The following DAB1 variants were observed in gnomAD, a reference collection of about 807,000 sequenced individuals.
DAB1 encodes the protein DAB adaptor protein 1.
DAB1 carries 15 observed loss-of-function variants against 64.6 expected under a neutral mutation model. That is an observed-to-expected ratio of 0.23 (90% CI 0.16 to 0.36). The LOEUF (loss-of-function observed/expected upper bound fraction) is 0.36. DAB1 is among the 10% of genes least tolerant of loss of function. The pLI, the probability that DAB1 is intolerant of heterozygous loss-of-function variation, is 1.00. For missense variants in DAB1, 596 were observed against 706.7 expected (o/e 0.84, Z 1.78); for synonymous variants, 235 against 251.9 (o/e 0.93, Z 0.64).
chr1:57,362,443 T>A (rs1253770571), intron 1 of DAB1, among the ~76,000 whole-genome samples: 1 of 152,214 alleles, frequency 6.6e-6, no homozygotes, highest in East Asian at 1.9e-4. Context: ...ATTTCTTTCA[T>A]GTTTAACTAT....
Position 57,817,473 on chromosome 1 carries a change from T to C in DAB1, n.551+66526A>G, listed in dbSNP as rs138316565. ...CTCTCCATCCCCATCCCCCTGCAGC[T>C]CTGGAAGATATTTTCTGTTCTGGCC... On this transcript the variant is annotated intron_variant and non_coding_transcript_variant, in intron 6 of 20. Transcript: ENST00000485760. Among the ~76,000 whole-genome samples the C allele has an allele frequency of 1.5e-3, 226 of 152,274 alleles. 4 individuals are homozygous for C. The South Asian group carries it at 0.037, about 25-fold the overall frequency.
intron 1 of DAB1, among the ~76,000 whole-genome samples, chr1:57,421,904 G>A (rs1684921470): frequency 1.0e-5 from 1 of 95,330 alleles, no homozygotes; most frequent in Admixed American, 9.1e-5. Context: ...GGGGGTGGCG[G>A]GGGGGGGGGT....
intron 6 of DAB1, among the ~76,000 whole-genome samples, chr1:57,696,594 G>C (rs1646848726): frequency 6.6e-6 from 1 of 152,096 alleles, no homozygotes; most frequent in Non-Finnish European, 1.5e-5. Flanking sequence ...TCAGCACCTG[G>C]GAAAAGCATG....
chr1:58,323,753 G>A (rs766868018), intron 4 of DAB1, among the ~76,000 whole-genome samples: 13 of 151,794 alleles, frequency 8.6e-5, no homozygotes, highest in Non-Finnish European at 1.9e-4. Context: ...GTGAAACCTC[G>A]TCTCTACTAA....
chr1:58,443,507 T>C (rs1273922232), intron 3 of DAB1, among the ~76,000 whole-genome samples: 7 of 152,192 alleles, frequency 4.6e-5, no homozygotes, highest in Admixed American at 4.6e-4. Flanking sequence ...AGAGCATTAG[T>C]GGAAAAACTG....
chr1:58,526,569 AG>A (rs1351022455), intron 2 of DAB1, among the ~76,000 whole-genome samples: 1 of 151,186 alleles, frequency 6.6e-6, no homozygotes, highest in African/African-American at 2.4e-5. Context: ...CTTAAATAAA[AG>A]TAAAGGCCCA....
chr1:57,568,977 G>A (rs1381889866), intron 7 of DAB1, among the ~76,000 whole-genome samples: 12 of 151,882 alleles, frequency 7.9e-5, no homozygotes, highest in Non-Finnish European at 1.6e-4. Context: ...ACACATGCAC[G>A]GCCGGGCGCG....
intron 2 of DAB1, among the ~76,000 whole-genome samples, chr1:57,218,025 C>T (rs912080546): frequency 6.6e-5 from 10 of 152,070 alleles, no homozygotes; most frequent in African/African-American, 2.2e-4. Context: ...ATGAGGGAGA[C>T]CCATAATTAT....
chr1:58,197,654 G>A lies in DAB1; in HGVS notation n.310-47066C>T, dbSNP rs969347962. On this transcript the variant is annotated intron_variant and non_coding_transcript_variant, in intron 4 of 20. Transcript: ENST00000485760. ...CATGATTCGCCCACCTCAGCCTCCC[G>A]AAGTTCTGGGATTACAGGCATGAGC... Among the ~76,000 whole-genome samples the A allele has an allele frequency of 9.3e-5, 14 of 150,042 alleles. 1 individual carries two copies. The highest frequency in any genetic ancestry group is 2.1e-4 in the South Asian group (1 of 4,740).
At chr1:57,478,052 C>G (rs931266835) in intron 7 of DAB1, among the ~76,000 whole-genome samples, 1 of 147,158 alleles carries the variant, frequency 6.8e-6, no homozygotes, top group South Asian at 2.3e-4. Flanking sequence ...TCCCTCCCCC[C>G]GCCCCCGACC....
intron 7 of DAB1, among the ~76,000 whole-genome samples, chr1:57,595,836 T>G (rs539854633): frequency 2.6e-5 from 4 of 152,218 alleles, no homozygotes; most frequent in Non-Finnish European, 5.9e-5. Flanking sequence ...CCTCCGGCCA[T>G]GTAGGATGTG....
At chr1:57,729,111 T>C (rs1002918744) in intron 6 of DAB1, among the ~76,000 whole-genome samples, 10 of 152,246 alleles carry the variant, frequency 6.6e-5, no homozygotes, top group Admixed American at 6.5e-4. Flanking sequence ...GGGGAACTGT[T>C]AAGTTGCAGT....
At chr1:57,357,310 A>G (rs61769669) in intron 1 of DAB1, among the ~76,000 whole-genome samples, 3 of 152,052 alleles carry the variant, frequency 2.0e-5, no homozygotes, top group Admixed American at 6.6e-5. Flanking sequence ...CTTCCTGGTT[A>G]TATGATCTGA....
intron 5 of DAB1, among the ~76,000 whole-genome samples, chr1:58,124,898 T>C (rs1290914943): frequency 6.6e-6 from 1 of 152,156 alleles, no homozygotes; most frequent in Non-Finnish European, 1.5e-5. Context: ...AGAAAGAGCA[T>C]GGTAACTGCT....
chr1:57,263,131 T>C (rs1223583177), intron 2 of DAB1, among the ~76,000 whole-genome samples: 1 of 151,968 alleles, frequency 6.6e-6, no homozygotes, highest in Non-Finnish European at 1.5e-5. Context: ...TTTTTTTTTT[T>C]TTGAGACGGA....
intron 7 of DAB1, among the ~76,000 whole-genome samples, chr1:57,494,382 T>G (rs1245698276): frequency 6.6e-6 from 1 of 152,186 alleles, no homozygotes; most frequent in Non-Finnish European, 1.5e-5. Flanking sequence ...ACAACTCCGG[T>G]AATACTTCAG....
intron 1 of DAB1, among the ~76,000 whole-genome samples, chr1:57,361,046 G>A (rs565738021): frequency 6.6e-6 from 1 of 152,174 alleles, no homozygotes; most frequent in African/African-American, 2.4e-5. Context: ...AAAATGCAGA[G>A]AGATAAGCAC....
intron 5 of DAB1, among the ~76,000 whole-genome samples, chr1:57,999,308 G>A (rs941954232): frequency 2.0e-5 from 3 of 152,184 alleles, no homozygotes. Context: ...AGTGGTTCTC[G>A]AAGTGTGTCC....
chr1:57,796,341 C>T (rs959204397), intron 6 of DAB1, among the ~76,000 whole-genome samples: 1 of 151,956 alleles, frequency 6.6e-6, no homozygotes, highest in Non-Finnish European at 1.5e-5. Context: ...TCCTGGCTAA[C>T]ATGGTGAAAC....
Sources: gnomAD v4.1 joint callset for allele counts (sites outside exome capture counted in the v4.1 genomes callset) on GRCh38, gnomAD v4.1.1 for gene constraint, MANE v1.5 for transcripts, NCBI Gene and HGNC (gene_info 2026-07-23, HGNC 2026-07-21) for gene names.